SHTN1: variants seen among roughly 807,000 people sequenced by gnomAD.
SHTN1 encodes the protein shootin 1.
SHTN1 carries 42 observed loss-of-function variants against 83.1 expected under a neutral mutation model. The observed-to-expected ratio is 0.51, with a 90% CI of 0.39 to 0.65. SHTN1 has a LOEUF of 0.65. Among genes scored for constraint, SHTN1 ranks in the 30% least tolerant of loss-of-function variants. The probability of loss-of-function intolerance (pLI) is 0.00; values close to 1 mark genes in which losing one functional copy is unlikely to be tolerated. For synonymous variants in SHTN1, 224 were observed against 247.7 expected, an observed-to-expected ratio of 0.90 and a Z score of 0.90; for missense variants, 622 against 737.8, an observed-to-expected ratio of 0.84 and a Z score of 1.82.
intron 2 of SHTN1, among the ~76,000 whole-genome samples, chr10:117,017,383 C>T (rs1245328853): frequency 4.7e-5 from 7 of 148,926 alleles, no homozygotes; most frequent in South Asian, 4.3e-4. Flanking sequence ...CCCAGCTACT[C>T]GGGAGGCTGA....
chr10:116,907,223 C>T (rs1285588400), intron 14 of SHTN1, among the ~76,000 whole-genome samples: 4 of 152,102 alleles, frequency 2.6e-5, no homozygotes, highest in East Asian at 3.9e-4. Context: ...ACCTGATGTC[C>T]GTGGCGTCGT....
chr10:117,023,521 A>G (rs1852290805), intron 2 of SHTN1, among the ~76,000 whole-genome samples: 1 of 152,284 alleles, frequency 6.6e-6, no homozygotes, highest in Non-Finnish European at 1.5e-5. Context: ...TAATTGAAAT[A>G]GCACCATAAC....
At chr10:117,113,716 C>A (rs1183872656) in intron 1 of SHTN1, among the ~76,000 whole-genome samples, 1 of 152,148 alleles carries the variant, frequency 6.6e-6, no homozygotes, top group Non-Finnish European at 1.5e-5. Flanking sequence ...CCCGCCTAGG[C>A]AAGATAGCAA....
At position 117,056,575 on chromosome 10, in the gene SHTN1, C is replaced by T. The variant is rs567592407; in HGVS notation, c.-188-8065G>A. ...CTGTAATCCCAGCACTTTGGGAGGC[C>T]GAGGCAGGTGGATCACCTGAGGTCA... On this transcript the variant is annotated intron_variant, in intron 1 of 17. Coordinates refer to the SHTN1 transcript ENST00000392901. Among the ~76,000 whole-genome samples the T allele has an allele frequency of 1.4e-4, 21 of 152,118 alleles. 1 individual carries two copies. In the South Asian group the frequency reaches 2.3e-3, roughly 17 times the overall value.
At chr10:117,093,688 C>CT (rs1391981512) in intron 1 of SHTN1, among the ~76,000 whole-genome samples, 1 of 152,222 alleles carries the variant, frequency 6.6e-6, no homozygotes, top group Non-Finnish European at 1.5e-5. Flanking sequence ...TGTACTGTAA[C>CT]AACTTACGGA....
chr10:116,964,467 T>C (rs1047997625), intron 3 of SHTN1, among the ~76,000 whole-genome samples: 24 of 152,236 alleles, frequency 1.6e-4, no homozygotes, highest in Non-Finnish European at 2.6e-4. Context: ...ACCAATGATG[T>C]TGCTTCTAGA....
At chr10:116,911,422 G>A in intron 14 of SHTN1, 2 of 1,524,422 alleles carry the variant, frequency 1.3e-6, no homozygotes, top group South Asian at 2.5e-5. Flanking sequence ...TCTCCTTTTA[G>A]GCTTCAAAGT....
chr10:116,922,800 A>G (rs919436541), intron 11 of SHTN1, among the ~76,000 whole-genome samples: 1 of 152,110 alleles, frequency 6.6e-6, no homozygotes, highest in Non-Finnish European at 1.5e-5. Context: ...CCCTGTCTCT[A>G]CTAAAAATAT....
At chr10:117,033,096 A>C (rs1321004880) in intron 2 of SHTN1, among the ~76,000 whole-genome samples, 1 of 152,168 alleles carries the variant, frequency 6.6e-6, no homozygotes, top group Non-Finnish European at 1.5e-5. Flanking sequence ...AAAAGAAGAA[A>C]AATTTCAAAT....
At chr10:117,060,623 G>C (rs1421386000) in intron 1 of SHTN1, among the ~76,000 whole-genome samples, 1 of 152,168 alleles carries the variant, frequency 6.6e-6, no homozygotes, top group Non-Finnish European at 1.5e-5. Flanking sequence ...GCTGTCTATA[G>C]TAGGTCAACC....
chr10:117,101,117 GAGA>G (rs33940290), intron 1 of SHTN1, among the ~76,000 whole-genome samples: 104,160 of 151,858 alleles, frequency 0.69, 38,017 homozygotes, highest in Middle Eastern at 0.84. Flanking sequence ...ATGGATAGAA[GAGA>G]AGGAGTTGAA....
intron 2 of SHTN1, among the ~76,000 whole-genome samples, chr10:117,043,357 T>C (rs1852613719): frequency 6.6e-6 from 1 of 152,088 alleles, no homozygotes; most frequent in Admixed American, 6.6e-5. Flanking sequence ...GATGGATCTT[T>C]ATTGTTTAAT....
intron 6 of SHTN1, among the ~76,000 whole-genome samples, chr10:116,950,728 T>G (rs1216946250): frequency 6.6e-6 from 1 of 152,206 alleles, no homozygotes; most frequent in African/African-American, 2.4e-5. Context: ...AATTAGTAAC[T>G]GGTACACATT....
chr10:117,002,072 G>A (rs1851838910), intron 1 of SHTN1, among the ~76,000 whole-genome samples: 1 of 152,210 alleles, frequency 6.6e-6, no homozygotes, highest in Non-Finnish European at 1.5e-5. Flanking sequence ...ATTAGCCAGA[G>A]TTGACCAATG....
At chr10:117,021,278 C>G (rs1033761205) in intron 2 of SHTN1, among the ~76,000 whole-genome samples, 1 of 152,056 alleles carries the variant, frequency 6.6e-6, no homozygotes, top group Non-Finnish European at 1.5e-5. Context: ...CTCCTTTCCT[C>G]CCTCCCTTCT....
chr10:116,922,108 T>C (rs1050598928), intron 11 of SHTN1, among the ~76,000 whole-genome samples: 1 of 152,068 alleles, frequency 6.6e-6, no homozygotes, highest in African/African-American at 2.4e-5. Flanking sequence ...CAAGGATATA[T>C]AAAGAAATTC....
intron 2 of SHTN1, among the ~76,000 whole-genome samples, chr10:116,976,243 C>G: frequency 6.6e-6 from 1 of 152,112 alleles, no homozygotes; most frequent in East Asian, 1.9e-4. Context: ...CACCATGCAG[C>G]CTCTGAACAA....
chr10:116,924,372 A>G (rs906768548), intron 11 of SHTN1, among the ~76,000 whole-genome samples: 1 of 149,864 alleles, frequency 6.7e-6, no homozygotes, highest in African/African-American at 2.4e-5. Context: ...AAGACGATGA[A>G]GCAGGAATTT....
intron 4 of SHTN1, 139 bp downstream of exon 4, chr10:116,959,997 G>A: frequency 1.8e-6 from 1 of 561,828 alleles, no homozygotes; most frequent in Non-Finnish European, 3.2e-6. Flanking sequence ...GGATTCTGAG[G>A]CCTTTTAACA....
Sources: allele counts gnomAD v4.1 joint callset (sites outside exome capture counted in the v4.1 genomes callset), GRCh38; gene constraint gnomAD v4.1.1; transcripts MANE v1.5; gene names NCBI Gene and HGNC (gene_info 2026-07-23, HGNC 2026-07-21).